Variants in ASB3 observed in about 807,000 individuals in gnomAD.
ASB3 encodes ankyrin repeat and SOCS box protein 3.
ASB3 carries 41 observed loss-of-function variants against 54.5 expected under a neutral mutation model. That is an observed-to-expected ratio of 0.75 (90% CI 0.59 to 0.98). The LOEUF (loss-of-function observed/expected upper bound fraction) is 0.98, where lower values mean the gene tolerates loss of function less well. ASB3 is among the 50% of genes least tolerant of loss of function. ASB3 has a pLI of 0.00. For synonymous variants in ASB3, 266 were observed against 221.2 expected, an observed-to-expected ratio of 1.20 and a Z score of -1.80; for missense variants, 733 against 620.0, an observed-to-expected ratio of 1.18 and a Z score of -1.94.
chr2:53,753,028 C>T (rs1337926593), intron 2 of ASB3, among the ~76,000 whole-genome samples: 1 of 151,562 alleles, frequency 6.6e-6, no homozygotes, highest in Non-Finnish European at 1.5e-5. Context: ...AAAGAGTGAA[C>T]CTTAATGTAC....
At chr2:53,778,230 G>A (rs780524547) in intron 1 of ASB3, among the ~76,000 whole-genome samples, 9 of 151,528 alleles carry the variant, frequency 5.9e-5, no homozygotes, top group Non-Finnish European at 1.3e-4. Context: ...AGGACTCTGG[G>A]TTCCTATGTA....
chr2:53,735,668 T>C (rs1572935854), intron 3 of ASB3, among the ~76,000 whole-genome samples: 2 of 149,472 alleles, frequency 1.3e-5, no homozygotes, highest in South Asian at 4.2e-4. Context: ...TTCATACAGA[T>C]GGGAATGTAA....
At chr2:53,783,063 A>G (rs529140146) in intron 1 of ASB3, among the ~76,000 whole-genome samples, 8 of 152,140 alleles carry the variant, frequency 5.3e-5, no homozygotes, top group Admixed American at 3.9e-4. Context: ...GTGAGCCACT[A>G]TGCCCCGCCA....
intron 7 of ASB3, among the ~76,000 whole-genome samples, chr2:53,713,952 A>G (rs1404549820): frequency 6.6e-6 from 1 of 152,186 alleles, no homozygotes; most frequent in Non-Finnish European, 1.5e-5. Flanking sequence ...CACCAAATAC[A>G]TTAAAAACAC....
chr2:53,732,340 A>G (rs1671367274), intron 3 of ASB3, among the ~76,000 whole-genome samples: 2 of 152,248 alleles, frequency 1.3e-5, no homozygotes, highest in East Asian at 1.9e-4. Flanking sequence ...CATATTAAAA[A>G]AAAGCCTGAA....
At chr2:53,775,279 A>G (rs1192826249) in intron 1 of ASB3, 2 of 152,616 alleles carry the variant, frequency 1.3e-5, no homozygotes, top group Non-Finnish European at 2.9e-5. Flanking sequence ...AATGGCACAT[A>G]TAATGAAAAT....
At position 53,765,532 on chromosome 2, in the gene ASB3, A is replaced by G. The variant is rs1673392020; in HGVS notation, c.41T>C (p.Val14Ala). The G allele has an allele frequency of 1.2e-6, 2 of 1,614,228 alleles. No individual in the cohort carries two copies. The highest frequency in any genetic ancestry group is 8.5e-7 in the Non-Finnish European group (1 of 1,180,048). ...TEAYADTCSTVGLAAREGNVK... is the reference protein window; with the variant it reads ...TEAYADTCSTAGLAAREGNVK... ...ATTGCCTTCCCTGGCAGCAAGTCCAACTGTAGAGCACGTGTCCGCGTAAGC... is the reference window on the plus strand; with the variant it reads ...ATTGCCTTCCCTGGCAGCAAGTCCAGCTGTAGAGCACGTGTCCGCGTAAGC... Residue 14 changes from valine (V) to alanine (A), a missense_variant, in exon 2 of 10, where the codon GTT (valine) becomes GCT (alanine). Val to Ala is a moderately conservative substitution (Grantham distance 64, BLOSUM62 0). Transcript: ENST00000263634.
intron 7 of ASB3, among the ~76,000 whole-genome samples, chr2:53,711,005 C>A (rs1349780823): frequency 6.6e-6 from 1 of 152,064 alleles, no homozygotes; most frequent in Non-Finnish European, 1.5e-5. Context: ...TGGCGCACAA[C>A]CGTAGTCCCA....
At chr2:53,736,572 G>A (rs1397075067) in intron 3 of ASB3, among the ~76,000 whole-genome samples, 4 of 152,028 alleles carry the variant, frequency 2.6e-5, no homozygotes, top group Non-Finnish European at 5.9e-5. Flanking sequence ...GTTGGCGGGC[G>A]CCTGTAGTCC....
chr2:53,731,180 C>A (rs981743278), intron 3 of ASB3, among the ~76,000 whole-genome samples: 8 of 152,076 alleles, frequency 5.3e-5, no homozygotes, highest in Non-Finnish European at 1.2e-4. Context: ...GGCGGGTGGA[C>A]CACGAGTTCA....
chr2:53,723,597 T>G (rs935679906), intron 5 of ASB3, among the ~76,000 whole-genome samples: 3 of 152,138 alleles, frequency 2.0e-5, no homozygotes, highest in Non-Finnish European at 4.4e-5. Flanking sequence ...TAAATTCATA[T>G]GGAACCAAAA....
chr2:53,694,750 C>T (rs889292007), intron 8 of ASB3, among the ~76,000 whole-genome samples: 2 of 151,982 alleles, frequency 1.3e-5, no homozygotes, highest in African/African-American at 4.8e-5. Flanking sequence ...AAACAGGTTG[C>T]CTGAATTATT....
chr2:53,757,374 G>A (rs1185361063), intron 2 of ASB3, among the ~76,000 whole-genome samples: 2 of 152,216 alleles, frequency 1.3e-5, no homozygotes, highest in African/African-American at 2.4e-5. Context: ...GGGCCGACTA[G>A]AGGCAGAAAG....
chr2:53,705,239 G>A (rs1422846314), intron 7 of ASB3, among the ~76,000 whole-genome samples: 1 of 152,098 alleles, frequency 6.6e-6, no homozygotes, highest in African/African-American at 2.4e-5. Flanking sequence ...ACTACTTACT[G>A]AAAATCTACC....
intron 7 of ASB3, among the ~76,000 whole-genome samples, chr2:53,707,886 C>T (rs565133938): frequency 2.7e-5 from 4 of 146,938 alleles, no homozygotes; most frequent in African/African-American, 7.5e-5. Flanking sequence ...TGCATAAACT[C>T]GGGAGGTGGT....
At chr2:53,718,095 T>C (rs1670497810) in intron 5 of ASB3, among the ~76,000 whole-genome samples, 1 of 152,158 alleles carries the variant, frequency 6.6e-6, no homozygotes, top group African/African-American at 2.4e-5. Context: ...GGAGAAAAAG[T>C]AAATGACCTG....
At chr2:53,693,548 C>A (rs901957850) in intron 9 of ASB3, among the ~76,000 whole-genome samples, 4 of 152,100 alleles carry the variant, frequency 2.6e-5, no homozygotes, top group Non-Finnish European at 5.9e-5. Flanking sequence ...TAGCATTTTT[C>A]TGACCACAAA....
At chr2:53,764,112 G>T (rs149488796) in intron 2 of ASB3, among the ~76,000 whole-genome samples, 1 of 152,104 alleles carries the variant, frequency 6.6e-6, no homozygotes, top group Non-Finnish European at 1.5e-5. Flanking sequence ...CGTCCAGCAG[G>T]TAACAAATTA....
chr2:53,781,380 C>G (rs929207593), intron 1 of ASB3, among the ~76,000 whole-genome samples: 8 of 149,522 alleles, frequency 5.4e-5, no homozygotes, highest in South Asian at 2.1e-4. Flanking sequence ...CCATTGCACT[C>G]TAGTCTAGGC....
Sources: allele counts gnomAD v4.1 joint callset (sites outside exome capture counted in the v4.1 genomes callset), GRCh38; gene constraint gnomAD v4.1.1; transcripts MANE v1.5; gene names NCBI Gene and HGNC (gene_info 2026-07-23, HGNC 2026-07-21).